TACC2: variants seen among roughly 807,000 people sequenced by gnomAD.
The protein encoded by TACC2 is transforming acidic coiled-coil containing protein 2.
In TACC2, 137 loss-of-function variants were observed where a neutral mutation model predicts 227.3. That is an observed-to-expected ratio of 0.60 (90% confidence interval 0.52 to 0.69). TACC2 has a LOEUF of 0.69. TACC2 is among the 30% of genes least tolerant of loss of function. The pLI, the probability that TACC2 is intolerant of heterozygous loss-of-function variation, is 0.00. For synonymous variants in TACC2, 1,523 were observed against 1,487.5 expected (o/e 1.02, Z -0.55); for missense variants, 3,470 against 3,694.4 (o/e 0.94, Z 1.57).
chr10:122,016,261 GA>G (rs66489609), intron 1 of TACC2, among the ~76,000 whole-genome samples: 4 of 103,288 alleles, frequency 3.9e-5, no homozygotes, highest in Admixed American at 1.3e-4. Context: ...GACCCTGTCT[GA>G]AAAAAAAAAG....
intron 7 of TACC2, among the ~76,000 whole-genome samples, chr10:122,154,817 C>T (rs182923443): frequency 4.5e-4 from 68 of 152,340 alleles, no homozygotes; most frequent in Admixed American, 2.1e-3. Flanking sequence ...CACGCTGACA[C>T]GCTCATTCAC....
At chr10:121,992,159 T>C (rs1021871256) in intron 1 of TACC2, among the ~76,000 whole-genome samples, 9 of 152,158 alleles carry the variant, frequency 5.9e-5, no homozygotes, top group African/African-American at 2.2e-4. Context: ...GTGGGAGTAC[T>C]AAAAAACTGT....
chr10:122,232,589 G>A (rs147716120), intron 16 of TACC2, among the ~76,000 whole-genome samples: 1 of 152,202 alleles, frequency 6.6e-6, no homozygotes, highest in Non-Finnish European at 1.5e-5. Context: ...TTCTGTGACT[G>A]TCTTGGAGTA....
intron 1 of TACC2, among the ~76,000 whole-genome samples, chr10:121,997,115 C>T (rs1168012882): frequency 2.6e-5 from 4 of 152,086 alleles, no homozygotes; most frequent in East Asian, 1.9e-4. Flanking sequence ...AGGATGAGGA[C>T]GTAGATGAGA....
intron 7 of TACC2, among the ~76,000 whole-genome samples, chr10:122,149,751 G>A (rs1243827034): frequency 2.0e-5 from 3 of 152,238 alleles, no homozygotes; most frequent in African/African-American, 7.2e-5. Context: ...GCCTCACTAG[G>A]GAAAGGGGCT....
intron 7 of TACC2, among the ~76,000 whole-genome samples, chr10:122,168,638 A>G (rs2093322563): frequency 1.3e-5 from 2 of 152,108 alleles, no homozygotes; most frequent in Non-Finnish European, 2.9e-5. Context: ...GCCCTGGGAC[A>G]GGGTACCCTG....
intron 7 of TACC2, among the ~76,000 whole-genome samples, chr10:122,183,798 C>T (rs1442138845): frequency 6.6e-6 from 1 of 152,132 alleles, no homozygotes; most frequent in Non-Finnish European, 1.5e-5. Flanking sequence ...GCTCAGAAGA[C>T]ACGTATGCCT....
chr10:122,140,071 C>G (rs1046029266), intron 6 of TACC2, among the ~76,000 whole-genome samples: 2 of 152,200 alleles, frequency 1.3e-5, no homozygotes, highest in Non-Finnish European at 2.9e-5. Flanking sequence ...GAATGTGAGC[C>G]CTGGAGCTGT....
At chr10:122,001,921 A>G (rs150100194) in intron 1 of TACC2, among the ~76,000 whole-genome samples, 1 of 152,334 alleles carries the variant, frequency 6.6e-6, no homozygotes, top group Admixed American at 6.5e-5. Context: ...CCAAGCTCTG[A>G]GTCATCTTTG....
At position 122,088,581 on chromosome 10, in the gene TACC2, G is replaced by A. The variant is rs773585574; in HGVS notation, c.5563G>A (p.Gly1855Arg). The change falls in exon 5 of 23, where the codon GGA becomes AGA. Residue 1855 changes from glycine (G) to arginine (R), a missense_variant. Gly to Arg is a moderately radical substitution (Grantham distance 125). Transcript: ENST00000369005. ...VTSDETRGAE[G>R]TESSPVADDI... ...TTCAGATGAGACCAGAGGTGCGGAA[G>A]GAACAGAAAGGTCAGCGAAAGATAT... is the stretch of plus-strand genomic sequence containing the variant. The A allele has an allele frequency of 5.0e-6, 8 of 1,613,066 alleles. No individual in the cohort carries two copies. The highest frequency in any genetic ancestry group is 6.8e-6 in the Non-Finnish European group (8 of 1,179,610).
At chr10:122,080,638 G>A (rs1384360090) in intron 3 of TACC2, among the ~76,000 whole-genome samples, 3 of 152,106 alleles carry the variant, frequency 2.0e-5, no homozygotes. Flanking sequence ...TCCAAATACA[G>A]TCACATTGGG....
At chr10:122,063,721 T>C (rs1242658907) in intron 3 of TACC2, among the ~76,000 whole-genome samples, 3 of 152,056 alleles carry the variant, frequency 2.0e-5, no homozygotes, top group African/African-American at 7.2e-5. Context: ...TTTCTAGTTC[T>C]TTTCTTTATT....
chr10:122,085,998 T>C lies in TACC2; in HGVS notation c.3498T>C (p.Leu1166=). 1.9e-6 allele frequency: 3 copies of C among 1,613,932 alleles called. No individual in the cohort carries two copies. Among genetic ancestry groups the C allele is most frequent in the African/African-American group, 1.3e-5 (1 of 75,024 alleles). Residue 1166 remains leucine (L), a synonymous_variant, in exon 4 of 23, where the codon CTT becomes CTC. Coordinates refer to ENST00000369005, the MANE Select transcript of TACC2 (RefSeq NM_206862.4). ...SCGLLQTEHC[L]TSGEEASTSA... is the part of the protein sequence containing the mutation. ...GCCTCCTTCAGACTGAGCACTGCCT[T>C]ACCTCCGGGGAGGAAGCTTCTACCT...
intron 8 of TACC2, among the ~76,000 whole-genome samples, chr10:122,203,527 G>T (rs555718017): frequency 2.8e-4 from 43 of 151,676 alleles, no homozygotes; most frequent in Non-Finnish European, 3.7e-4. Flanking sequence ...CAGACGGGGC[G>T]GCCGGGCAGA....
rs145122808 is a variant in TACC2, at chr10:122,181,602, A to T, written c.5835-13438A>T. On this transcript the variant is annotated intron_variant, in intron 7 of 22. Transcript: ENST00000369005. ...TGTCCAAAGTTACTCACCTCTCATG[A>T]ATTTGGAACCAGATCAGTTGATGCT... is the stretch of plus-strand genomic sequence containing the variant. Among the ~76,000 whole-genome samples, 39 of 152,290 alleles carry T rather than the reference A, an allele frequency of 2.6e-4. 2 individuals carry two copies. The highest frequency in any genetic ancestry group is 1.9e-3 in the Admixed American group (29 of 15,298).
chr10:122,253,877 CT>C, intron 22 of TACC2, 113 bp from the exon 23 acceptor site: 1 of 796,894 alleles, frequency 1.3e-6, no homozygotes, highest in South Asian at 1.5e-5. Flanking sequence ...TGTCTCACTG[CT>C]TTAGTGGGGA....
chr10:122,069,535 C>T (rs1377215274), intron 3 of TACC2, among the ~76,000 whole-genome samples: 1 of 152,210 alleles, frequency 6.6e-6, no homozygotes. Flanking sequence ...AGCCACTGCG[C>T]CTGGCCCCCA....
intron 7 of TACC2, among the ~76,000 whole-genome samples, chr10:122,192,140 G>A (rs879423505): frequency 1.1e-4 from 17 of 152,190 alleles, no homozygotes; most frequent in Admixed American, 2.6e-4. Flanking sequence ...AGGCAGCACC[G>A]GAAGTGAATG....
At position 122,085,482 on chromosome 10, in the gene TACC2, A is replaced by G. The variant is rs780242938; in HGVS notation, c.2982A>G (p.Gln994=). ...CTGGGCAGGGGCCAAACAAGTCTCA[A>G]CAGGCATTGGCTGATGCCTTGGAAG... ...CCTGQGPNKS[Q]QALADALEEG... is the part of the protein sequence containing the mutation. Residue 994 remains glutamine, a synonymous_variant, in exon 4 of 23, where the codon CAA becomes CAG. Transcript: ENST00000369005. 40 of 1,613,608 alleles carry G rather than the reference A, an allele frequency of 2.5e-5. No individual in the cohort carries two copies. Among genetic ancestry groups the G allele is most frequent in the Non-Finnish European group, 3.1e-5 (37 of 1,180,052 alleles).
Sources: allele counts gnomAD v4.1 joint callset (sites outside exome capture counted in the v4.1 genomes callset), GRCh38; gene constraint gnomAD v4.1.1; transcripts MANE v1.5; gene names NCBI Gene and HGNC (gene_info 2026-07-23, HGNC 2026-07-21).